CHML: variants seen among roughly 807,000 people sequenced by gnomAD.
The protein encoded by CHML is CHM like Rab escort protein, also known as rab proteins geranylgeranyltransferase component A 2.
In CHML, 20 loss-of-function variants were observed where a neutral mutation model predicts 30.4. That is an observed-to-expected ratio of 0.66 (90% CI 0.46 to 0.95). The LOEUF is 0.95. Among genes scored for constraint, CHML ranks in the 40% least tolerant of loss-of-function variants. The probability of loss-of-function intolerance (pLI) is 0.00; values close to 1 mark genes in which losing one functional copy is unlikely to be tolerated. For synonymous variants in CHML, 281 were observed against 275.0 expected, an observed-to-expected ratio of 1.02 and a Z score of -0.22; for missense variants, 795 against 768.5, an observed-to-expected ratio of 1.03 and a Z score of -0.41.
In CHML at chr1:241,630,868, C is replaced by A. The variant is rs1282721726; in HGVS notation, c.*2928G>T. The stretch of plus-strand genomic sequence containing the variant: ...TTTTGATGCTGATTTAATGGCTGTT[C>A]TGCTTAACACCAGCCTTATAATCCT... On this transcript the variant is annotated 3_prime_UTR_variant, in exon 2 of 2. Coordinates refer to ENST00000366553, the MANE Select transcript of CHML (RefSeq NM_001381853.1). 1 of 152,008 alleles carries A rather than the reference C, an allele frequency of 6.6e-6. No individual in the cohort carries two copies. The highest frequency in any genetic ancestry group is 2.4e-5 in the African/African-American group (1 of 41,406). 9.4% of individuals were successfully genotyped at this position (152,008 alleles called of 1,614,324 possible). A position where few individuals can be genotyped will look rare whatever the true frequency, so the allele number is the denominator to read the frequency against.
At position 241,635,157 on chromosome 1, in the gene CHML, T is replaced by C. The variant is rs774735034; in HGVS notation, c.610A>G (p.Thr204Ala). Residue 204 changes from threonine to alanine, a missense_variant, in exon 2 of 2, where the codon ACA becomes GCA. By Grantham distance (58) the Thr-to-Ala change is moderately conservative. Coordinates refer to ENST00000366553, the MANE Select transcript of CHML (RefSeq NM_001381853.1). ...GGTTCATCGGCCTTATCTTCTACTG[T>C]AGATTTGCTTTCATCTTTATCTCCA... ...KDGDKDESKS[T>A]VEDKADEPIR... The C allele has an allele frequency of 3.1e-6, 5 of 1,612,972 alleles. No individual in the cohort carries two copies. The highest frequency in any genetic ancestry group is 1.1e-5 in the South Asian group (1 of 91,084).
At chr1:241,636,674 C>A (rs1215191346) in intron 1 of CHML, among the ~76,000 whole-genome samples, 1 of 151,794 alleles carries the variant, frequency 6.6e-6, no homozygotes, top group African/African-American at 2.4e-5. Flanking sequence ...TCATAATAGC[C>A]CTGAGGAGGA....
rs893703865 is a variant in CHML, at chr1:241,632,458, G to T, written c.*1338C>A. On this transcript the variant is annotated 3_prime_UTR_variant, in exon 2 of 2. Transcript: ENST00000366553. ...CAAACACATGATAAATACTATTTCAGAGCAAAAACTGTCACAGGGATCATC... is the reference window on the plus strand; with the variant it reads ...CAAACACATGATAAATACTATTTCATAGCAAAAACTGTCACAGGGATCATC... 6.6e-6 allele frequency: 1 copy of T among 152,074 alleles called. No homozygotes were observed. Among genetic ancestry groups the T allele is most frequent in the Non-Finnish European group, 1.5e-5 (1 of 68,018 alleles). 9.4% of individuals were successfully genotyped at this position (152,074 alleles called of 1,614,324 possible).
rs201889209 is a variant in CHML at position 241,634,919 on chromosome 1, A to C, written c.848T>G (p.Val283Gly). 6.2e-7 allele frequency: 1 copy of C among 1,610,978 alleles called. No homozygotes were observed. The change falls in exon 2 of 2, where the codon GTC becomes GGC. Residue 283 changes from valine to glycine, a missense_variant. By Grantham distance (109) the Val-to-Gly change is moderately radical (BLOSUM62 -3). Transcript: ENST00000366553. ...VEQVPCSRAD[V>G]FNSKELTMVE... Reference sequence around the variant, plus strand: ...CATGGTGAGTTCCTTGCTATTAAAGACATCTGCTCTGGAACAAGGAACTTG... The same window carrying C: ...CATGGTGAGTTCCTTGCTATTAAAGCCATCTGCTCTGGAACAAGGAACTTG...
At position 241,635,133 on chromosome 1, in the gene CHML, G is replaced by C; in HGVS notation, c.634C>G (p.Pro212Ala). The C allele has an allele frequency of 6.2e-7, 1 of 1,612,618 alleles. No homozygotes were observed. The highest frequency in any genetic ancestry group is 8.5e-7 in the Non-Finnish European group (1 of 1,179,884). Residue 212 changes from proline (P) to alanine (A), a missense_variant, in exon 2 of 2, where the codon CCA (proline) becomes GCA (alanine). Transcript: ENST00000366553. ...GAGTAAGTAATCCTATTTCTAATTGGTTCATCGGCCTTATCTTCTACTGTA... is the reference window on the plus strand; with the variant it reads ...GAGTAAGTAATCCTATTTCTAATTGCTTCATCGGCCTTATCTTCTACTGTA... ...KSTVEDKADE[P>A]IRNRITYSQI...
At position 241,633,752 on chromosome 1, in the gene CHML, T is replaced by C; in HGVS notation, c.*44A>G. On this transcript the variant is annotated 3_prime_UTR_variant, in exon 2 of 2. Transcript: ENST00000366553. ...TGTCCTTTAAATGAGAAAATTCTGA[T>C]GCCATGAAGGAGGTCCAAAACAGCA... 6.3e-7 allele frequency: 1 copy of C among 1,596,302 alleles called. No homozygotes were observed. Among genetic ancestry groups the C allele is most frequent in the Non-Finnish European group, 8.5e-7 (1 of 1,172,678 alleles).
chr1:241,637,856 C>A (rs1345312368), intron 1 of CHML, among the ~76,000 whole-genome samples: 5 of 152,132 alleles, frequency 3.3e-5, no homozygotes, highest in Non-Finnish European at 1.5e-5. Flanking sequence ...ACAGATAGGG[C>A]AAGCCTCTCC....
At position 241,634,251 on chromosome 1, in the gene CHML, AGGTGTCCTTCATGCATGTCAT is replaced by A. The variant is rs1231013546; in HGVS notation, c.1495_1515del (p.Met499_Thr505del). 2 of 1,613,996 alleles carry A rather than the reference AGGTGTCCTTCATGCATGTCAT, an allele frequency of 1.2e-6. No homozygotes were observed. Among genetic ancestry groups the A allele is most frequent in the Non-Finnish European group, 1.7e-6 (2 of 1,179,908 alleles). Reference sequence around the variant, plus strand: ...GATGAACATGTCAAATGTACCAGATAGGTGTCCTTCATGCATGTCATGGTTGAAGAACATAATTCTGTGACC... The same window carrying A: ...GATGAACATGTCAAATGTACCAGATAGGTTGAAGAACATAATTCTGTGACC... On this transcript the variant is annotated inframe_deletion, in exon 2 of 2. Coordinates refer to ENST00000366553, the MANE Select transcript of CHML (RefSeq NM_001381853.1).
rs778999435 is a variant in CHML at position 241,634,294 on chromosome 1, G to C, written c.1473C>G (p.Val491=). The C allele has an allele frequency of 5.0e-6, 8 of 1,613,784 alleles. No individual in the cohort carries two copies. Among genetic ancestry groups the C allele is most frequent in the East Asian group, 4.5e-5 (2 of 44,892 alleles). ...TCATGGTTGAAGAACATAATTCTGT[G>C]ACCCGTACAGCACAAGCTCCTGGCT... ...PAEPGACAVR[V]TELCSSTMTC... The change falls in exon 2 of 2, where the codon GTC becomes GTG. Residue 491 remains valine (V), a synonymous_variant. Transcript: ENST00000366553.
intron 1 of CHML, 93 bp downstream of exon 1, chr1:241,639,789 G>A (rs1255527139): frequency 2.4e-6 from 3 of 1,261,116 alleles, no homozygotes; most frequent in African/African-American, 1.6e-5. Context: ...GAAGCGGTGC[G>A]GGGCGGGCTG....
At chr1:241,637,181 A>C (rs1195366948) in intron 1 of CHML, among the ~76,000 whole-genome samples, 1 of 152,188 alleles carries the variant, frequency 6.6e-6, no homozygotes, top group Non-Finnish European at 1.5e-5. Context: ...ACTACTGTTA[A>C]ACCTACTGAA....
chr1:241,636,544 C>T (rs1664904909), intron 1 of CHML, among the ~76,000 whole-genome samples: 1 of 152,148 alleles, frequency 6.6e-6, no homozygotes, highest in Admixed American at 6.5e-5. Flanking sequence ...CCTTTCCATG[C>T]CACAACCACC....
chr1:241,630,093 C>T lies in CHML; in HGVS notation c.*3703G>A, dbSNP rs919155261. The T allele has an allele frequency of 1.3e-5, 2 of 152,080 alleles. No individual in the cohort carries two copies. The highest frequency in any genetic ancestry group is 1.3e-4 in the Admixed American group (2 of 15,270). The allele number at this position is 152,080 out of a possible 1,614,324, so 9.4% of individuals were successfully genotyped here. A position where few individuals can be genotyped will look rare whatever the true frequency, so the allele number is the denominator to read the frequency against. Reference sequence around the variant, plus strand: ...GGATGTAGCTTTATATTTTAAAACACATTATCTAACTTAATCCCCACAATA... The same window carrying T: ...GGATGTAGCTTTATATTTTAAAACATATTATCTAACTTAATCCCCACAATA... On this transcript the variant is annotated 3_prime_UTR_variant, in exon 2 of 2. Transcript: ENST00000366553.
Position 241,639,890 on chromosome 1 carries a change from C to T in CHML, c.-316G>A. 1.3e-6 allele frequency: 2 copies of T among 1,577,042 alleles called. No individual in the cohort carries two copies. Among genetic ancestry groups the T allele is most frequent in the Non-Finnish European group, 1.7e-6 (2 of 1,161,014 alleles). ...CTCCCAGTCCAACTCACCGAAGAGG[C>T]TGCCGCTAAACCCGTCCCACACGCA... On this transcript the variant is annotated 5_prime_UTR_variant, in exon 1 of 2. Transcript: ENST00000366553.
intron 1 of CHML, among the ~76,000 whole-genome samples, chr1:241,636,417 C>T (rs773027451): frequency 6.6e-6 from 1 of 152,198 alleles, no homozygotes; most frequent in African/African-American, 2.4e-5. Flanking sequence ...CTAAAAGGAA[C>T]GCATGGCTCC....
rs755606738 is a variant in CHML at position 241,634,950 on chromosome 1, C to T, written c.817G>A (p.Val273Ile). 3.1e-6 allele frequency: 5 copies of T among 1,613,348 alleles called. No individual in the cohort carries two copies. The highest frequency in any genetic ancestry group is 2.2e-5 in the East Asian group (1 of 44,874). The part of the protein sequence containing the change: ...TRILAFREGK[V>I]EQVPCSRADV... ...GCTCTGGAACAAGGAACTTGTTCTA[C>T]CTTTCCTTCCCGAAATGCAAGAATC... is the stretch of plus-strand genomic sequence containing the variant. Residue 273 changes from valine (V) to isoleucine (I), a missense_variant, in exon 2 of 2, where the codon GTA (valine) becomes ATA (isoleucine). By Grantham distance (29) the Val-to-Ile change is conservative. Coordinates refer to ENST00000366553, the MANE Select transcript of CHML (RefSeq NM_001381853.1).
In CHML at chr1:241,635,028, GATCA is replaced by G. The variant is rs1196358603; in HGVS notation, c.735_738del (p.Asp246PhefsTer2). The G allele has an allele frequency of 2.5e-6, 4 of 1,613,128 alleles. No individual in the cohort carries two copies. The highest frequency in any genetic ancestry group is 2.2e-5 in the South Asian group (2 of 90,936). Reference sequence around the variant, plus strand: ...CGACTAACATCTGATTTGATTAAAAGATCAATTAGCAATCCTTGAGAATACAGCA... The same window carrying G: ...CGACTAACATCTGATTTGATTAAAAGATTAGCAATCCTTGAGAATACAGCA... On this transcript the variant is annotated frameshift_variant, in exon 2 of 2. Transcript: ENST00000366553. LOFTEE classifies it high-confidence loss of function.
rs1302586072 is a variant in CHML at position 241,640,069 on chromosome 1, C to A, written c.-495G>T. ...GCTGGAACTTGTAGTAGAGGACGAG[C>A]ACCAGCAGGTTGTTGCCGACGCCCA... is the stretch of plus-strand genomic sequence containing the variant. On this transcript the variant is annotated 5_prime_UTR_variant, in exon 1 of 2. Transcript: ENST00000366553. 1.2e-6 allele frequency: 2 copies of A among 1,611,178 alleles called. No homozygotes were observed. The highest frequency in any genetic ancestry group is 3.4e-5 in the Admixed American group (2 of 59,686).
Position 241,635,909 on chromosome 1 carries a change from T to G in CHML, c.-143A>C. 1.4e-6 allele frequency: 1 copy of G among 735,698 alleles called. No individual in the cohort carries two copies. Among genetic ancestry groups the G allele is most frequent in the Non-Finnish European group, 2.2e-6 (1 of 457,360 alleles). 45.6% of individuals were successfully genotyped at this position (735,698 alleles called of 1,614,324 possible). A position where few individuals can be genotyped will look rare whatever the true frequency, so the allele number is the denominator to read the frequency against. On this transcript the variant is annotated 5_prime_UTR_variant, in exon 2 of 2. Coordinates refer to ENST00000366553, the MANE Select transcript of CHML (RefSeq NM_001381853.1). ...GTCCTAGCTGTTTAACGGTTACCCT[T>G]TTAAAATATTTTTTTTCTTATAAGT...
Sources: gnomAD v4.1 joint callset for allele counts (sites outside exome capture counted in the v4.1 genomes callset) on GRCh38, gnomAD v4.1.1 for gene constraint, MANE v1.5 for transcripts, NCBI Gene and HGNC (gene_info 2026-07-23, HGNC 2026-07-21) for gene names.